Variants in PHF24 observed in about 807,000 individuals in gnomAD.
PHF24 encodes PHD finger protein 24.
Under a neutral mutation model 42.6 loss-of-function variants are expected in PHF24, and 25 were observed. That is an observed-to-expected ratio of 0.59 (90% confidence interval 0.43 to 0.82). The LOEUF is 0.82. Ranked by LOEUF, PHF24 falls within the 40% of genes least tolerant of loss-of-function variation. PHF24 has a pLI of 0.00. For synonymous variants in PHF24, 185 were observed against 204.8 expected, an observed-to-expected ratio of 0.90 and a Z score of 0.83; for missense variants, 470 against 538.1, an observed-to-expected ratio of 0.87 and a Z score of 1.25.
the PHF24 span, among the ~76,000 whole-genome samples, chr9:34,766,031 C>T: frequency 3.3e-5 from 5 of 152,096 alleles, no homozygotes; most frequent in Admixed American, 2.0e-4. Context: ...TATTGGCCCC[C>T]ACTCTCTTCT....
At chr9:34,802,717 A>G in the PHF24 span, among the ~76,000 whole-genome samples, 1 of 152,210 alleles carries the variant, frequency 6.6e-6, no homozygotes, top group African/African-American at 2.4e-5. Context: ...TAGTCAAGAA[A>G]TTCCCTATGT....
intron 4 of PHF24, 95 bp downstream of exon 4, chr9:34,976,325 T>C: frequency 8.6e-7 from 1 of 1,160,832 alleles, no homozygotes; most frequent in Non-Finnish European, 1.3e-6. Flanking sequence ...GTTCCATATT[T>C]AGTGGGTAGA....
chr9:34,726,953 C>T, the PHF24 span: 22 of 1,551,092 alleles, frequency 1.4e-5, no homozygotes, highest in East Asian at 4.4e-4. Context: ...ACACAGGATT[C>T]GCCGCACACT....
the PHF24 span, chr9:34,917,074 T>G: frequency 9.9e-6 from 7 of 707,412 alleles, no homozygotes; most frequent in Non-Finnish European, 1.6e-5. Context: ...GAGCGGAGCG[T>G]GTGAGCAGCA....
chr9:34,876,958 G>A, the PHF24 span, among the ~76,000 whole-genome samples: 2 of 152,108 alleles, frequency 1.3e-5, no homozygotes, highest in Admixed American at 6.5e-5. Context: ...TACATACAAT[G>A]GAATATTATT....
chr9:34,698,355 A>G, the PHF24 span, among the ~76,000 whole-genome samples: 2 of 152,186 alleles, frequency 1.3e-5, no homozygotes, highest in Admixed American at 1.3e-4. Flanking sequence ...ATAGTCATCT[A>G]GGGCATAACG....
the PHF24 span, among the ~76,000 whole-genome samples, chr9:34,775,280 T>C: frequency 6.6e-6 from 1 of 152,184 alleles, no homozygotes; most frequent in Non-Finnish European, 1.5e-5. Flanking sequence ...CTAAGTGATA[T>C]AAGGATACAA....
chr9:34,801,802 C>T, the PHF24 span, among the ~76,000 whole-genome samples: 1 of 151,710 alleles, frequency 6.6e-6, no homozygotes, highest in African/African-American at 2.4e-5. Context: ...AGCAAACTAA[C>T]ACCAGAACAG....
the PHF24 span, among the ~76,000 whole-genome samples, chr9:34,739,348 G>A: frequency 7.9e-5 from 12 of 152,176 alleles, no homozygotes; most frequent in African/African-American, 2.9e-4. Context: ...CCATTTAGGG[G>A]TACTTATAGA....
the PHF24 span, among the ~76,000 whole-genome samples, chr9:34,739,536 G>A: frequency 2.4e-4 from 37 of 152,300 alleles, no homozygotes; most frequent in African/African-American, 7.5e-4. Flanking sequence ...GGAGGCTCAC[G>A]GTGAGTGTTA....
chr9:34,764,951 T>C, the PHF24 span, among the ~76,000 whole-genome samples: 2 of 152,092 alleles, frequency 1.3e-5, no homozygotes, highest in African/African-American at 4.8e-5. Flanking sequence ...CTTCATTTCG[T>C]TATGTACCCA....
At chr9:34,972,566 G>A (rs368642703) in intron 3 of PHF24, 35 bp downstream of exon 3, 1 of 1,546,244 alleles carries the variant, frequency 6.5e-7, no homozygotes, top group Non-Finnish European at 8.7e-7. Flanking sequence ...AGAGGACTTG[G>A]CACTTTTCCT....
At chr9:34,935,002 T>A in the PHF24 span, among the ~76,000 whole-genome samples, 6 of 151,918 alleles carry the variant, frequency 3.9e-5, no homozygotes, top group African/African-American at 1.2e-4. Flanking sequence ...TGAATATAGA[T>A]AAAGGAAAGG....
At chr9:34,715,735 A>G in the PHF24 span, among the ~76,000 whole-genome samples, 2 of 152,180 alleles carry the variant, frequency 1.3e-5, no homozygotes, top group African/African-American at 4.8e-5. Context: ...AATTCACCAG[A>G]CTGAGATCCT....
chr9:34,875,946 ACACACTCTCTCT>A, the PHF24 span, among the ~76,000 whole-genome samples: 10 of 88,992 alleles, frequency 1.1e-4, no homozygotes, highest in African/African-American at 4.5e-4. Context: ...ACACACACAC[ACACACTCTCTCT>A]CTCTCTCTCT....
the PHF24 span, among the ~76,000 whole-genome samples, chr9:34,692,267 G>T: frequency 6.6e-6 from 1 of 152,084 alleles, no homozygotes; most frequent in Non-Finnish European, 1.5e-5. Context: ...AATAGTAATG[G>T]TATTTTTGAT....
chr9:34,785,025 T>A, the PHF24 span, among the ~76,000 whole-genome samples: 1 of 152,242 alleles, frequency 6.6e-6, no homozygotes. Context: ...CTCTACTATC[T>A]TAGTCTGCTT....
At chr9:34,823,190 G>T in the PHF24 span, among the ~76,000 whole-genome samples, 1 of 124,844 alleles carries the variant, frequency 8.0e-6, no homozygotes, top group African/African-American at 3.2e-5. Flanking sequence ...GCGACATAGC[G>T]AGACTCCGTC....
chr9:34,835,684 G>A, the PHF24 span: 37 of 1,550,964 alleles, frequency 2.4e-5, no homozygotes, highest in Middle Eastern at 3.6e-4. Flanking sequence ...TTGAAATTCC[G>A]GCCCTAGCTG....
Sources: gnomAD v4.1 joint callset for allele counts (sites outside exome capture counted in the v4.1 genomes callset) on GRCh38, gnomAD v4.1.1 for gene constraint, MANE v1.5 for transcripts, NCBI Gene and HGNC (gene_info 2026-07-23, HGNC 2026-07-21) for gene names.